KCNJ6: variants seen among roughly 807,000 people sequenced by gnomAD.
KCNJ6 encodes G protein-activated inward rectifier potassium channel 2.
KCNJ6 carries 9 observed loss-of-function variants against 34.2 expected under a neutral mutation model. That is an observed-to-expected ratio of 0.26 (90% CI 0.16 to 0.46). The LOEUF (loss-of-function observed/expected upper bound fraction) is 0.46. Ranked by LOEUF, KCNJ6 falls within the 20% of genes least tolerant of loss-of-function variation. The pLI is 1.00. For missense variants in KCNJ6, 236 were observed against 531.3 expected (o/e 0.44, Z 5.46); for synonymous variants, 196 against 207.1 (o/e 0.95, Z 0.46).
At chr21:37,734,217 C>G (rs1338972583) in intron 2 of KCNJ6, among the ~76,000 whole-genome samples, 1 of 152,128 alleles carries the variant, frequency 6.6e-6, no homozygotes, top group African/African-American at 2.4e-5. Flanking sequence ...AAAATGACTT[C>G]ACTAGCGGGG....
Position 37,611,335 on chromosome 21 carries a change from A to G in KCNJ6, c.*13824T>C, listed in dbSNP as rs1412948868. ...TGAATAGGTATATCTCTGTTAAATA[A>G]TTTGAATCAATGGTTAGTAACCTCC... On this transcript the variant is annotated 3_prime_UTR_variant, in exon 4 of 4. Transcript: ENST00000609713. The G allele has an allele frequency of 6.6e-6, 1 of 152,216 alleles. No individual in the cohort carries two copies. Among genetic ancestry groups the G allele is most frequent in the African/African-American group, 2.4e-5 (1 of 41,448 alleles). The allele number at this position is 152,216 out of a possible 1,614,324, so 9.4% of individuals were successfully genotyped here.
At chr21:37,767,411 A>G (rs751840166) in intron 2 of KCNJ6, among the ~76,000 whole-genome samples, 1 of 152,180 alleles carries the variant, frequency 6.6e-6, no homozygotes, top group Non-Finnish European at 1.5e-5. Context: ...AGAACACTCT[A>G]GTTCAAATCT....
chr21:37,645,945 C>T (rs1365529514), intron 3 of KCNJ6, among the ~76,000 whole-genome samples: 1 of 91,254 alleles, frequency 1.1e-5, no homozygotes, highest in Non-Finnish European at 2.2e-5. Flanking sequence ...GGTAAAAATC[C>T]ACTTATGACT....
chr21:37,715,035 G>A lies in KCNJ6; in HGVS notation c.122C>T (p.Pro41Leu). The change falls in exon 3 of 4, where the codon CCA (proline) becomes CTA (leucine). Residue 41 changes from proline to leucine, a missense_variant. Coordinates refer to ENST00000609713, the MANE Select transcript of KCNJ6 (RefSeq NM_002240.5). ...GGTCCGATCTCGGCTGATGTGTCTT[G>A]GCAGGTCATCCCTGGCCTGCTTAGG... ...KLPKQARDDL[P>L]RHISRDRTKR... The A allele has an allele frequency of 6.2e-7, 1 of 1,614,108 alleles. No homozygotes were observed. Among genetic ancestry groups the A allele is most frequent in the Non-Finnish European group, 8.5e-7 (1 of 1,180,014 alleles).
intron 3 of KCNJ6, among the ~76,000 whole-genome samples, chr21:37,673,832 G>A (rs1350460417): frequency 1.2e-4 from 18 of 152,212 alleles, no homozygotes; most frequent in Admixed American, 1.1e-3. Flanking sequence ...GAGGAAAGAA[G>A]GGGAAGGGGC....
intron 2 of KCNJ6, among the ~76,000 whole-genome samples, chr21:37,800,743 T>C (rs138632518): frequency 6.6e-6 from 1 of 152,278 alleles, no homozygotes; most frequent in East Asian, 1.9e-4. Context: ...TCCTCTTCAG[T>C]AGGGAATGAG....
chr21:37,647,056 G>T (rs61212991), intron 3 of KCNJ6, among the ~76,000 whole-genome samples: 24,012 of 151,966 alleles, frequency 0.16, 3,165 homozygotes, highest in African/African-American at 0.36. Context: ...CGACGGGGAG[G>T]GATGGAGCCC....
chr21:37,681,330 G>T (rs2123418448), intron 3 of KCNJ6, among the ~76,000 whole-genome samples: 1 of 152,370 alleles, frequency 6.6e-6, no homozygotes, highest in Non-Finnish European at 1.5e-5. Context: ...GAATTCCCAA[G>T]GTGTAGGCAG....
intron 3 of KCNJ6, among the ~76,000 whole-genome samples, chr21:37,693,621 C>G (rs1181654783): frequency 6.6e-6 from 1 of 152,078 alleles, no homozygotes; most frequent in Non-Finnish European, 1.5e-5. Context: ...GGGGATACAA[C>G]ATAGTGAAAA....
chr21:37,636,219 C>T (rs577919914), intron 3 of KCNJ6, among the ~76,000 whole-genome samples: 8 of 152,324 alleles, frequency 5.3e-5, no homozygotes, highest in African/African-American at 1.7e-4. Flanking sequence ...CTTCTTTACT[C>T]ACTTCAGATT....
intron 2 of KCNJ6, among the ~76,000 whole-genome samples, chr21:37,780,819 T>G (rs1265827509): frequency 6.6e-6 from 1 of 152,116 alleles, no homozygotes; most frequent in Non-Finnish European, 1.5e-5. Context: ...CATGCCTGTA[T>G]CAAAACATCT....
rs565503090 is a variant in KCNJ6 at position 37,903,066 on chromosome 21, A to C, written c.-28+12818T>G. ...TGTCTGCGATTTGTTCTCAGGGGCTAAGAGCTTCAGTGTTCCTACTCAGTG... is the reference window on the plus strand; with the variant it reads ...TGTCTGCGATTTGTTCTCAGGGGCTCAGAGCTTCAGTGTTCCTACTCAGTG... On this transcript the variant is annotated intron_variant, in intron 1 of 3. Coordinates refer to ENST00000609713, the MANE Select transcript of KCNJ6 (RefSeq NM_002240.5). Among the ~76,000 whole-genome samples the C allele has an allele frequency of 7.2e-5, 11 of 152,242 alleles. 1 individual carries two copies. In the South Asian group the frequency reaches 2.1e-3, roughly 29 times the overall value.
chr21:37,916,254 G>C lies in KCNJ6; in HGVS notation c.-398C>G, dbSNP rs1040752846. On this transcript the variant is annotated 5_prime_UTR_variant, in exon 1 of 4. Coordinates refer to ENST00000609713, the MANE Select transcript of KCNJ6 (RefSeq NM_002240.5). ...GCGGAGGGGCGCGCGTTTGGGCAGG[G>C]ACGGGGGAGGGAGACTGGGTGGAAT... The C allele has an allele frequency of 6.6e-6, 1 of 152,164 alleles. No individual in the cohort carries two copies. The highest frequency in any genetic ancestry group is 1.5e-5 in the Non-Finnish European group (1 of 68,082). 9.4% of individuals were successfully genotyped at this position (152,164 alleles called of 1,614,324 possible). A position where few individuals can be genotyped will look rare whatever the true frequency, so the allele number is the denominator to read the frequency against.
chr21:37,826,297 G>A (rs1337259282), intron 2 of KCNJ6, among the ~76,000 whole-genome samples: 1 of 152,130 alleles, frequency 6.6e-6, no homozygotes, highest in East Asian at 1.9e-4. Flanking sequence ...ATGGAAACTG[G>A]AGCTAAAACA....
At chr21:37,905,145 T>TCTCA (rs1372438360) in intron 1 of KCNJ6, among the ~76,000 whole-genome samples, 1 of 152,222 alleles carries the variant, frequency 6.6e-6, no homozygotes, top group Non-Finnish European at 1.5e-5. Flanking sequence ...GATTATCTGC[T>TCTCA]CTCAGCACCA....
intron 2 of KCNJ6, among the ~76,000 whole-genome samples, chr21:37,745,852 C>T (rs1422181983): frequency 6.6e-6 from 1 of 152,196 alleles, no homozygotes; most frequent in Non-Finnish European, 1.5e-5. Flanking sequence ...GCAGCGGAGG[C>T]AATTCCAGGA....
intron 2 of KCNJ6, among the ~76,000 whole-genome samples, chr21:37,726,008 C>G (rs2054852543): frequency 6.6e-6 from 1 of 152,188 alleles, no homozygotes; most frequent in African/African-American, 2.4e-5. Context: ...CGGGTTCAAG[C>G]AATTCTCCTG....
intron 3 of KCNJ6, among the ~76,000 whole-genome samples, chr21:37,708,789 G>C (rs1391918899): frequency 6.6e-6 from 1 of 152,142 alleles, no homozygotes; most frequent in Non-Finnish European, 1.5e-5. Context: ...TTATCAAAAG[G>C]AGAAAAATAA....
intron 3 of KCNJ6, among the ~76,000 whole-genome samples, chr21:37,712,042 G>C (rs962463551): frequency 2.0e-4 from 30 of 152,280 alleles, no homozygotes; most frequent in African/African-American, 7.0e-4. Flanking sequence ...GAAAGCCAGG[G>C]CCTGCCCCAG....
Sources: gnomAD v4.1 joint callset for allele counts (sites outside exome capture counted in the v4.1 genomes callset) on GRCh38, gnomAD v4.1.1 for gene constraint, MANE v1.5 for transcripts, NCBI Gene and HGNC (gene_info 2026-07-23, HGNC 2026-07-21) for gene names.